COP1: variants seen among roughly 807,000 people sequenced by gnomAD.
COP1 encodes the protein E3 ubiquitin-protein ligase COP1.
COP1 carries 24 observed loss-of-function variants against 101.3 expected under a neutral mutation model. The ratio of observed to expected loss-of-function variants is 0.24; its 90% confidence interval spans 0.17 to 0.33. The LOEUF is 0.33. Ranked by LOEUF, COP1 falls within the 10% of genes least tolerant of loss-of-function variation. The probability of loss-of-function intolerance (pLI) is 1.00; values close to 1 mark genes in which losing one functional copy is unlikely to be tolerated. For synonymous variants in COP1, 347 were observed against 341.9 expected (o/e 1.01, Z -0.17); for missense variants, 663 against 906.2 (o/e 0.73, Z 3.45).
intron 19 of COP1, among the ~76,000 whole-genome samples, chr1:175,946,066 A>C (rs16849438): frequency 0.023 from 3,489 of 152,306 alleles, 135 homozygotes; most frequent in African/African-American, 0.079. Context: ...AGTAAGGTGT[A>C]GCTTTTCAAT....
At chr1:176,011,070 G>C (rs932624906) in intron 15 of COP1, among the ~76,000 whole-genome samples, 1 of 152,112 alleles carries the variant, frequency 6.6e-6, no homozygotes, top group Non-Finnish European at 1.5e-5. Context: ...AATTAAAACA[G>C]ATTTTAGTTT....
At chr1:176,006,140 A>T (rs1324947569) in intron 15 of COP1, among the ~76,000 whole-genome samples, 1 of 151,964 alleles carries the variant, frequency 6.6e-6, no homozygotes, top group African/African-American at 2.4e-5. Flanking sequence ...GTTGGTTTAA[A>T]GTCTGTTTTA....
intron 8 of COP1, among the ~76,000 whole-genome samples, chr1:176,130,934 C>A (rs1215143724): frequency 6.6e-6 from 1 of 151,646 alleles, no homozygotes; most frequent in East Asian, 1.9e-4. Context: ...TTTCCCTGCC[C>A]CTAATTTTTT....
intron 18 of COP1, among the ~76,000 whole-genome samples, chr1:175,956,381 G>A (rs1294590502): frequency 6.6e-6 from 1 of 151,346 alleles, no homozygotes; most frequent in Non-Finnish European, 1.5e-5. Flanking sequence ...ATTCTAAATA[G>A]ATCTAAGACA....
intron 15 of COP1, among the ~76,000 whole-genome samples, chr1:176,004,039 T>G (rs1384884929): frequency 2.0e-5 from 3 of 146,854 alleles, no homozygotes; most frequent in Non-Finnish European, 4.6e-5. Context: ...AGCAGTGGTT[T>G]GTAGTTCTCC....
rs1024774373 is a variant in COP1, at chr1:175,988,499, T to C, written c.1848-87A>G. On this transcript the variant is annotated intron_variant, in intron 16 of 19. Transcript: ENST00000367669. ...ACTAATTAGAGGCAATGCAGTTTGC[T>C]GGTTAAGAATGCAGGCTCTGGAGCC... 1.8e-5 allele frequency: 23 copies of C among 1,267,122 alleles called. No homozygotes were observed. In the South Asian group the frequency reaches 3.9e-4, roughly 22 times the overall value. 78.5% of individuals were successfully genotyped at this position (1,267,122 alleles called of 1,614,324 possible).
At chr1:176,135,427 A>G (rs1320759698) in intron 7 of COP1, among the ~76,000 whole-genome samples, 1 of 152,118 alleles carries the variant, frequency 6.6e-6, no homozygotes, top group Non-Finnish European at 1.5e-5. Context: ...GTGAACTAGC[A>G]TATCATTAAT....
chr1:176,144,674 T>C (rs910432046), intron 6 of COP1, among the ~76,000 whole-genome samples: 54 of 152,070 alleles, frequency 3.6e-4, no homozygotes, highest in South Asian at 2.1e-4. Context: ...CAAGGTGGTA[T>C]TGCGAAAAAG....
chr1:176,006,868 T>C (rs558326992), intron 15 of COP1, among the ~76,000 whole-genome samples: 1,760 of 152,054 alleles, frequency 0.012, 32 homozygotes, highest in African/African-American at 0.04. Flanking sequence ...TGGCGTTCTC[T>C]GTATTTCCTG....
intron 18 of COP1, among the ~76,000 whole-genome samples, chr1:175,947,590 G>A (rs563295291): frequency 6.6e-6 from 1 of 152,020 alleles, no homozygotes; most frequent in South Asian, 2.1e-4. Context: ...GGCTGGTCTC[G>A]AACTCCCAAC....
In COP1 at chr1:175,960,361, T is replaced by C. The variant is rs2148532363; in HGVS notation, c.2134-13122A>G. On this transcript the variant is annotated intron_variant, in intron 18 of 19. Coordinates refer to ENST00000367669, the MANE Select transcript of COP1 (RefSeq NM_022457.7). ...TAAAACAATGCTAATAAAACTAAGC[T>C]AACAGAACCATTTTTATGATCAAAC... Among the ~76,000 whole-genome samples the C allele has an allele frequency of 2.6e-5, 4 of 152,298 alleles. 1 individual carries two copies. In the Middle Eastern group the frequency reaches 0.01, roughly 389 times the overall value.
chr1:176,024,195 GT>G (rs571077164), intron 15 of COP1, among the ~76,000 whole-genome samples: 20 of 152,268 alleles, frequency 1.3e-4, no homozygotes, highest in African/African-American at 4.8e-4. Flanking sequence ...GGAGGCAGAG[GT>G]TGCAGTGAGC....
At chr1:176,084,793 CAT>C (rs1263240479) in intron 10 of COP1, among the ~76,000 whole-genome samples, 1 of 151,884 alleles carries the variant, frequency 6.6e-6, no homozygotes, top group Non-Finnish European at 1.5e-5. Context: ...ATAATATAAA[CAT>C]ATGTATTCAA....
intron 5 of COP1, among the ~76,000 whole-genome samples, chr1:176,151,303 AAAGG>A (rs1318886828): frequency 6.7e-6 from 1 of 149,606 alleles, no homozygotes; most frequent in Admixed American, 6.7e-5. Context: ...AGAAAGAAAG[AAAGG>A]AGAGAAAGAA....
intron 15 of COP1, among the ~76,000 whole-genome samples, chr1:175,997,355 A>G (rs1372378370): frequency 6.6e-6 from 1 of 152,122 alleles, no homozygotes; most frequent in African/African-American, 2.4e-5. Flanking sequence ...CTTCATGTCT[A>G]AAACACCAAA....
At chr1:176,038,572 C>CA (rs1225949648) in intron 14 of COP1, among the ~76,000 whole-genome samples, 1 of 152,146 alleles carries the variant, frequency 6.6e-6, no homozygotes, top group Non-Finnish European at 1.5e-5. Context: ...GTAATCCCAG[C>CA]ACTTTGGGAG....
chr1:175,980,311 C>A (rs1010491850), intron 18 of COP1, among the ~76,000 whole-genome samples: 2 of 150,316 alleles, frequency 1.3e-5, no homozygotes, highest in Non-Finnish European at 3.0e-5. Flanking sequence ...ATTCATTCAG[C>A]AAGTATTTTT....
At chr1:176,113,331 C>T (rs1685610169) in intron 9 of COP1, among the ~76,000 whole-genome samples, 1 of 152,162 alleles carries the variant, frequency 6.6e-6, no homozygotes, top group African/African-American at 2.4e-5. Flanking sequence ...CTATTGACCA[C>T]TTGTATATCT....
intron 18 of COP1, chr1:175,968,355 A>G (rs1652508176): frequency 2.1e-6 from 1 of 476,942 alleles, no homozygotes; most frequent in African/African-American, 2.0e-5. Context: ...GATACTGAAT[A>G]AAATGGCAAG....
Sources: gnomAD v4.1 joint callset for allele counts (sites outside exome capture counted in the v4.1 genomes callset) on GRCh38, gnomAD v4.1.1 for gene constraint, MANE v1.5 for transcripts, NCBI Gene and HGNC (gene_info 2026-07-23, HGNC 2026-07-21) for gene names.